SH3PXD2A: variants seen among roughly 807,000 people sequenced by gnomAD.
SH3PXD2A encodes SH3 and PX domains 2A, also known as SH3 and PX domain-containing protein 2A.
Under a neutral mutation model 115.2 loss-of-function variants are expected in SH3PXD2A, and 32 were observed. The ratio of observed to expected loss-of-function variants is 0.28; its 90% confidence interval spans 0.21 to 0.37. The LOEUF (loss-of-function observed/expected upper bound fraction) is 0.37, where lower values mean the gene tolerates loss of function less well. Ranked by LOEUF, SH3PXD2A falls within the 10% of genes least tolerant of loss-of-function variation. The probability of loss-of-function intolerance (pLI) is 1.00; values close to 1 mark genes in which losing one functional copy is unlikely to be tolerated. For missense variants in SH3PXD2A, 1,328 were observed against 1,498.7 expected (o/e 0.89, Z 1.88); for synonymous variants, 610 against 629.1 (o/e 0.97, Z 0.45).
chr10:103,773,439 CTTTCTTT>C (rs2038849610), intron 2 of SH3PXD2A, among the ~76,000 whole-genome samples: 1 of 146,500 alleles, frequency 6.8e-6, no homozygotes. Context: ...TCTTTTCTTT[CTTTCTTT>C]TTTTTTTTTT....
chr10:103,824,093 C>T (rs1213153711), intron 1 of SH3PXD2A, among the ~76,000 whole-genome samples: 2 of 152,154 alleles, frequency 1.3e-5, no homozygotes, highest in Non-Finnish European at 2.9e-5. Flanking sequence ...GAGGAATGTG[C>T]CTGACCTGGC....
rs67561170 is a variant in SH3PXD2A at position 103,730,232 on chromosome 10, C to CT, written c.306+5499dup. Among the ~76,000 whole-genome samples, 624 of 118,216 alleles carry CT rather than the reference C, an allele frequency of 5.3e-3. 2 individuals are homozygous for CT. The highest frequency in any genetic ancestry group is 0.014 in the South Asian group (50 of 3,450). The allele number at this position is 118,216 out of a possible 152,430, so 77.6% of individuals were successfully genotyped here. On this transcript the variant is annotated intron_variant, in intron 4 of 14. Coordinates refer to ENST00000369774, the MANE Select transcript of SH3PXD2A (RefSeq NM_001394015.1). ...GCAGCATCAGTTTCTTTTCTCGTTT[C>CT]TTTTTTTTTTTTTTTTTTTGCTCCT...
chr10:103,750,997 C>T (rs35053579), intron 3 of SH3PXD2A, among the ~76,000 whole-genome samples: 16,042 of 152,198 alleles, frequency 0.11, 959 homozygotes, highest in Non-Finnish European at 0.12. Context: ...CAGCGGGAAA[C>T]GGACTTTTTC....
intron 1 of SH3PXD2A, among the ~76,000 whole-genome samples, chr10:103,816,621 G>A (rs963942149): frequency 2.6e-5 from 4 of 152,136 alleles, no homozygotes; most frequent in African/African-American, 4.8e-5. Context: ...TAAACGTAGC[G>A]TCACCGGATG....
chr10:103,819,950 T>A (rs1278002859), intron 1 of SH3PXD2A, among the ~76,000 whole-genome samples: 8 of 152,022 alleles, frequency 5.3e-5, no homozygotes, highest in Admixed American at 6.5e-5. Context: ...CTAGAATAGA[T>A]CTCAGAGTGG....
At chr10:103,799,896 C>A (rs1415400050) in intron 2 of SH3PXD2A, among the ~76,000 whole-genome samples, 1 of 152,130 alleles carries the variant, frequency 6.6e-6, no homozygotes, top group Non-Finnish European at 1.5e-5. Context: ...GATATTCAAT[C>A]CCACATTGTT....
At chr10:103,701,210 C>G (rs1195122871) in intron 5 of SH3PXD2A, among the ~76,000 whole-genome samples, 1 of 146,618 alleles carries the variant, frequency 6.8e-6, no homozygotes, top group African/African-American at 2.5e-5. Context: ...ATCCATTTAC[C>G]ATCTATCCAT....
At chr10:103,819,683 G>A (rs759581765) in intron 1 of SH3PXD2A, among the ~76,000 whole-genome samples, 40 of 152,084 alleles carry the variant, frequency 2.6e-4, no homozygotes, top group Non-Finnish European at 2.8e-4. Context: ...AACAGGTGTC[G>A]GGGAGATCTA....
chr10:103,661,138 G>A (rs985930333), intron 7 of SH3PXD2A, 24 bp from the exon 8 acceptor site: 9 of 1,608,880 alleles, frequency 5.6e-6, no homozygotes, highest in Non-Finnish European at 7.6e-6. Flanking sequence ...AAAGCACGCG[G>A]TGAGCCAGCG....
intron 5 of SH3PXD2A, among the ~76,000 whole-genome samples, chr10:103,718,416 C>T (rs1463178186): frequency 2.0e-5 from 3 of 152,158 alleles, no homozygotes; most frequent in Non-Finnish European, 4.4e-5. Context: ...CAGGAGAGAC[C>T]AAGAAACTAC....
intron 1 of SH3PXD2A, among the ~76,000 whole-genome samples, chr10:103,853,868 C>G (rs1344181654): frequency 6.6e-6 from 1 of 152,218 alleles, no homozygotes; most frequent in Non-Finnish European, 1.5e-5. Flanking sequence ...AGGTTGACCA[C>G]CTGGTGACCC....
chr10:103,719,278 T>C (rs1564872399), intron 5 of SH3PXD2A, among the ~76,000 whole-genome samples: 1 of 152,062 alleles, frequency 6.6e-6, no homozygotes, highest in Non-Finnish European at 1.5e-5. Flanking sequence ...TGGGAAGGCG[T>C]AGTGGGTGTG....
At position 103,823,853 on chromosome 10, in the gene SH3PXD2A, G is replaced by A. The variant is rs576545931; in HGVS notation, c.73-22491C>T. ...CTGAGATGAGGGAAAGAAGGGCAGC[G>A]GGCAGGGGACAGGCTTCAGCTGGGA... On this transcript the variant is annotated intron_variant, in intron 1 of 14. Coordinates refer to ENST00000369774, the MANE Select transcript of SH3PXD2A (RefSeq NM_001394015.1). Among the ~76,000 whole-genome samples, 10 of 152,310 alleles carry A rather than the reference G, an allele frequency of 6.6e-5. No homozygotes were observed. In the East Asian group the frequency reaches 1.7e-3, roughly 26 times the overall value.
intron 4 of SH3PXD2A, 137 bp from the exon 5 acceptor site, chr10:103,724,498 C>T: frequency 1.9e-6 from 1 of 531,792 alleles, no homozygotes. Context: ...ACCAGCCACC[C>T]ACCTGTCCAC....
intron 8 of SH3PXD2A, among the ~76,000 whole-genome samples, chr10:103,635,743 C>T (rs11598294): frequency 0.011 from 1,608 of 147,000 alleles, 16 homozygotes; most frequent in Non-Finnish European, 0.019. Context: ...GCCTGTCCTT[C>T]CATCGGGCCA....
intron 3 of SH3PXD2A, among the ~76,000 whole-genome samples, chr10:103,737,024 A>C (rs1372871916): frequency 6.6e-6 from 1 of 152,246 alleles, no homozygotes; most frequent in Non-Finnish European, 1.5e-5. Flanking sequence ...CTAAGCTGGC[A>C]GGATGAAAGC....
intron 8 of SH3PXD2A, 149 bp downstream of exon 8, chr10:103,660,832 CAG>C (rs1009296147): frequency 1.5e-5 from 12 of 820,130 alleles, no homozygotes; most frequent in African/African-American, 6.8e-5. Flanking sequence ...CCCAAACCAA[CAG>C]GGGGAAACTT....
At chr10:103,725,581 C>T (rs956434393) in intron 4 of SH3PXD2A, among the ~76,000 whole-genome samples, 2 of 152,120 alleles carry the variant, frequency 1.3e-5, no homozygotes, top group African/African-American at 4.8e-5. Context: ...AATCCCAGCA[C>T]TTTGGGAGGC....
intron 9 of SH3PXD2A, among the ~76,000 whole-genome samples, chr10:103,626,456 G>A (rs556290736): frequency 7.2e-5 from 11 of 152,282 alleles, no homozygotes; most frequent in African/African-American, 2.4e-4. Context: ...TGGCGCAAAC[G>A]GACTGGGCTC....
Sources: allele counts gnomAD v4.1 joint callset (sites outside exome capture counted in the v4.1 genomes callset), GRCh38; gene constraint gnomAD v4.1.1; transcripts MANE v1.5; gene names NCBI Gene and HGNC (gene_info 2026-07-23, HGNC 2026-07-21).